Variants in RNF24 observed in about 807,000 individuals in gnomAD.
RNF24 encodes ring finger protein 24.
Under a neutral mutation model 20.0 loss-of-function variants are expected in RNF24, and 14 were observed. That is an observed-to-expected ratio of 0.70 (90% CI 0.46 to 1.10). The LOEUF is 1.10. Ranked by LOEUF, RNF24 falls within the 50% of genes least tolerant of loss-of-function variation. The probability of loss-of-function intolerance (pLI) is 0.00; values close to 1 mark genes in which losing one functional copy is unlikely to be tolerated. For synonymous variants in RNF24, 45 were observed against 61.1 expected, an observed-to-expected ratio of 0.74 and a Z score of 1.23; for missense variants, 124 against 177.6, an observed-to-expected ratio of 0.70 and a Z score of 1.71.
chr20:3,950,063 C>T (rs946479920), intron 2 of RNF24, among the ~76,000 whole-genome samples: 1 of 152,202 alleles, frequency 6.6e-6, no homozygotes, highest in Non-Finnish European at 1.5e-5. Context: ...ACTGCAGTGA[C>T]ACATCTGTTG....
intron 4 of RNF24, among the ~76,000 whole-genome samples, chr20:3,941,679 C>T (rs941557268): frequency 6.6e-6 from 1 of 151,956 alleles, no homozygotes. Context: ...TCTATACATA[C>T]CAATTAAAAG....
At chr20:3,958,593 A>G (rs1451113497) in intron 2 of RNF24, among the ~76,000 whole-genome samples, 1 of 152,146 alleles carries the variant, frequency 6.6e-6, no homozygotes, top group Non-Finnish European at 1.5e-5. Context: ...AATTGACTCA[A>G]TCCATTGAAA....
chr20:3,961,279 A>G (rs2091198865), intron 2 of RNF24, among the ~76,000 whole-genome samples: 1 of 152,020 alleles, frequency 6.6e-6, no homozygotes, highest in Non-Finnish European at 1.5e-5. Flanking sequence ...GTGGGTGTCT[A>G]GAGTCCCAGC....
chr20:3,983,568 C>T (rs1485024681), intron 1 of RNF24, among the ~76,000 whole-genome samples: 1 of 152,078 alleles, frequency 6.6e-6, no homozygotes, highest in Non-Finnish European at 1.5e-5. Flanking sequence ...AAACTAGCTG[C>T]AAAATATACA....
At chr20:3,956,018 T>G (rs2091137732) in intron 2 of RNF24, among the ~76,000 whole-genome samples, 1 of 152,172 alleles carries the variant, frequency 6.6e-6, no homozygotes, top group South Asian at 2.1e-4. Context: ...TTCCAGTAGT[T>G]TTTTTTGTGT....
chr20:3,944,620 C>T (rs2090995774), intron 4 of RNF24, among the ~76,000 whole-genome samples: 1 of 152,160 alleles, frequency 6.6e-6, no homozygotes, highest in South Asian at 2.1e-4. Context: ...TTCTTATAGG[C>T]TATGTATCTT....
At chr20:3,953,753 G>A (rs1369924776) in intron 2 of RNF24, among the ~76,000 whole-genome samples, 1 of 127,234 alleles carries the variant, frequency 7.9e-6, no homozygotes, top group Admixed American at 7.6e-5. Context: ...TCAATTTCTT[G>A]TAGTAGTTTT....
chr20:3,990,894 AT>A (rs1420648350), intron 1 of RNF24, among the ~76,000 whole-genome samples: 20 of 142,730 alleles, frequency 1.4e-4, no homozygotes, highest in African/African-American at 4.7e-4. Context: ...AAAAAAAAAA[AT>A]GTAGATTTGG....
rs369115055 is a variant in RNF24, at chr20:3,939,084, C to G, written c.229-4011G>C. Among the ~76,000 whole-genome samples, 6 of 152,236 alleles carry G rather than the reference C, an allele frequency of 3.9e-5. No homozygotes were observed. The East Asian group carries it at 5.8e-4, about 15-fold the overall frequency. On this transcript the variant is annotated intron_variant, in intron 4 of 5. Coordinates refer to ENST00000358395, the MANE Select transcript of RNF24 (RefSeq NM_001134337.3). ...AGTTTAACTATTTTTTCTTAGCTTG[C>G]TTGTGCTTTAGATGTCATATCTAAG... is the stretch of plus-strand genomic sequence containing the variant.
chr20:3,934,106 C>T lies in RNF24; in HGVS notation c.404G>A (p.Gly135Glu). ...LAQLHSKQDRGPPQGPLPGAE... is the reference protein window; with the variant it reads ...LAQLHSKQDREPPQGPLPGAE... The stretch of plus-strand genomic sequence containing the variant: ...CCCAGGAAGGGGCCCCTGAGGGGGT[C>T]CACGGTCCTGCTTACTGTGCAACTG... Residue 135 changes from glycine to glutamate, a missense_variant, in exon 6 of 6, where the codon GGA (glycine) becomes GAA (glutamate). Physicochemically the swap from Gly to Glu is moderately conservative, Grantham distance 98 (BLOSUM62 -2). Coordinates refer to ENST00000358395, the MANE Select transcript of RNF24 (RefSeq NM_001134337.3). The surrounding 1 kb of genome is among the most constrained non-coding windows in gnomAD (Gnocchi z 4.0). 4 of 1,550,978 alleles carry T rather than the reference C, an allele frequency of 2.6e-6. No individual in the cohort carries two copies. Among genetic ancestry groups the T allele is most frequent in the Non-Finnish European group, 3.5e-6 (4 of 1,150,160 alleles).
At chr20:4,003,703 C>T (rs1248625078) in intron 1 of RNF24, among the ~76,000 whole-genome samples, 3 of 120,098 alleles carry the variant, frequency 2.5e-5, no homozygotes, top group Admixed American at 1.2e-4. Context: ...AGTGCAATGG[C>T]GTGATCTCGG....
intron 1 of RNF24, among the ~76,000 whole-genome samples, chr20:3,991,676 G>C (rs747139595): frequency 2.0e-5 from 3 of 152,074 alleles, no homozygotes; most frequent in Non-Finnish European, 4.4e-5. Context: ...TAAATGTAGT[G>C]AGGAAAAATT....
At position 3,932,588 on chromosome 20, in the gene RNF24, C is replaced by T. The variant is rs1333386596; in HGVS notation, c.*1475G>A. The stretch of plus-strand genomic sequence containing the variant: ...TCCAGAAAAAAATCCTGGAGTCATG[C>T]CAAGAGCAGAGTAGCAAAGCTCCCT... On this transcript the variant is annotated 3_prime_UTR_variant, in exon 6 of 6. Transcript: ENST00000358395. The T allele has an allele frequency of 2.7e-5, 6 of 221,328 alleles. No homozygotes were observed. The highest frequency in any genetic ancestry group is 1.4e-4 in the African/African-American group (6 of 44,338). The allele number at this position is 221,328 out of a possible 1,614,324, so 13.7% of individuals were successfully genotyped here.
At chr20:4,007,369 T>C (rs1393248391) in intron 1 of RNF24, among the ~76,000 whole-genome samples, 1 of 152,116 alleles carries the variant, frequency 6.6e-6, no homozygotes, top group Non-Finnish European at 1.5e-5. Flanking sequence ...CAGAATATAC[T>C]TCGTACTGCT....
intron 1 of RNF24, among the ~76,000 whole-genome samples, chr20:3,964,887 C>G (rs1341304450): frequency 6.6e-6 from 1 of 152,010 alleles, no homozygotes; most frequent in African/African-American, 2.4e-5. Context: ...CATGACTGAC[C>G]CGGTATGTAC....
chr20:3,971,476 T>G (rs1239365833), intron 1 of RNF24, among the ~76,000 whole-genome samples: 1 of 152,188 alleles, frequency 6.6e-6, no homozygotes, highest in Non-Finnish European at 1.5e-5. Context: ...TACAATAAAC[T>G]TCCTTCTCTT....
chr20:4,003,937 G>T (rs569143901), intron 1 of RNF24, among the ~76,000 whole-genome samples: 1 of 152,158 alleles, frequency 6.6e-6, no homozygotes, highest in South Asian at 2.1e-4. Flanking sequence ...GAGCCACCAC[G>T]CCTGGCCAGA....
chr20:3,974,055 C>A, intron 1 of RNF24, among the ~76,000 whole-genome samples: 1 of 146,244 alleles, frequency 6.8e-6, no homozygotes, highest in Non-Finnish European at 1.5e-5. Flanking sequence ...GCGGGGCTGG[C>A]TTAATATTAA....
intron 4 of RNF24, among the ~76,000 whole-genome samples, chr20:3,939,974 T>C (rs1310089573): frequency 6.6e-6 from 1 of 152,188 alleles, no homozygotes; most frequent in African/African-American, 2.4e-5. Flanking sequence ...AATTTTTTTT[T>C]TGAGGTGGAG....
Sources: gnomAD v4.1 joint callset for allele counts (sites outside exome capture counted in the v4.1 genomes callset) on GRCh38, gnomAD v4.1.1 for gene constraint, Gnocchi (gnomAD v3.1) non-coding constraint, MANE v1.5 for transcripts, NCBI Gene and HGNC (gene_info 2026-07-23, HGNC 2026-07-21) for gene names.